Variants in ARIH1 observed in about 807,000 individuals in gnomAD.
The protein encoded by ARIH1 is ariadne RBR E3 ubiquitin protein ligase 1, also known as E3 ubiquitin-protein ligase ARIH1.
In ARIH1, 8 loss-of-function variants were observed where a neutral mutation model predicts 85.0. The ratio of observed to expected loss-of-function variants is 0.09; its 90% CI spans 0.06 to 0.17. ARIH1 has a LOEUF of 0.17. Ranked by LOEUF, ARIH1 falls within the 10% of genes least tolerant of loss-of-function variation. The pLI is 1.00. For missense variants in ARIH1, 311 were observed against 718.1 expected, an observed-to-expected ratio of 0.43 and a Z score of 6.48; for synonymous variants, 238 against 253.6, an observed-to-expected ratio of 0.94 and a Z score of 0.59.
At chr15:72,479,925 T>C (rs1235327986) in intron 1 of ARIH1, among the ~76,000 whole-genome samples, 1 of 151,320 alleles carries the variant, frequency 6.6e-6, no homozygotes, top group East Asian at 2.0e-4. Context: ...TGGAGTGCGG[T>C]GGTGCGATCT....
At chr15:72,573,702 ATTAT>A (rs926352949) in intron 11 of ARIH1, among the ~76,000 whole-genome samples, 1 of 151,662 alleles carries the variant, frequency 6.6e-6, no homozygotes, top group Non-Finnish European at 1.5e-5. Context: ...TTATTATAAT[ATTAT>A]TTAAATATGT....
At position 72,571,841 on chromosome 15, in the gene ARIH1, G is replaced by A. The variant is rs111405022; in HGVS notation, c.1158-267G>A. Among the ~76,000 whole-genome samples the A allele has an allele frequency of 6.2e-4, 95 of 152,222 alleles. 2 individuals are homozygous for A. The highest frequency in any genetic ancestry group is 2.1e-3 in the African/African-American group (87 of 41,534). The stretch of plus-strand genomic sequence containing the variant: ...GATTTGAAATGGACTGCCTCAGGAG[G>A]TGGGGAATTTCCTATCACTGGATAG... On this transcript the variant is annotated intron_variant, in intron 10 of 13. Coordinates refer to ENST00000379887, the MANE Select transcript of ARIH1 (RefSeq NM_005744.5).
intron 2 of ARIH1, among the ~76,000 whole-genome samples, chr15:72,529,077 G>A (rs1283962275): frequency 6.6e-6 from 1 of 151,238 alleles, no homozygotes; most frequent in Non-Finnish European, 1.5e-5. Context: ...ATGGGCTCAC[G>A]TAGTCCCAGC....
intron 1 of ARIH1, among the ~76,000 whole-genome samples, chr15:72,480,932 G>T (rs1754921495): frequency 1.3e-5 from 2 of 152,242 alleles, no homozygotes; most frequent in South Asian, 4.1e-4. Context: ...TTTACATTAA[G>T]TGTTTTATTC....
intron 7 of ARIH1, among the ~76,000 whole-genome samples, chr15:72,563,768 C>A (rs1159250664): frequency 6.6e-6 from 1 of 151,992 alleles, no homozygotes; most frequent in East Asian, 1.9e-4. Context: ...CCTGTATGCT[C>A]CACTGTAACT....
chr15:72,580,284 C>CGT (rs1028870124), intron 11 of ARIH1, among the ~76,000 whole-genome samples: 4 of 152,044 alleles, frequency 2.6e-5, no homozygotes, highest in South Asian at 2.1e-4. Context: ...GCTGAGTACT[C>CGT]GTGTGTGTGT....
chr15:72,556,308 A>T (rs2064174368), intron 5 of ARIH1, among the ~76,000 whole-genome samples: 1 of 152,254 alleles, frequency 6.6e-6, no homozygotes, highest in Non-Finnish European at 1.5e-5. Flanking sequence ...CAAAGAAGGA[A>T]GATTCAATAG....
chr15:72,529,198 CA>C (rs1158206167), intron 2 of ARIH1, among the ~76,000 whole-genome samples: 35 of 140,812 alleles, frequency 2.5e-4, no homozygotes, highest in South Asian at 4.5e-4. Flanking sequence ...GACTCCGTCT[CA>C]AAAAAAAAAA....
intron 2 of ARIH1, among the ~76,000 whole-genome samples, chr15:72,528,566 A>G (rs1403056585): frequency 3.9e-5 from 6 of 152,206 alleles, no homozygotes; most frequent in Non-Finnish European, 7.3e-5. Context: ...TGTTTAAACA[A>G]TCCACGGCCG....
intron 7 of ARIH1, 92 bp from the exon 8 acceptor site, chr15:72,566,471 C>T (rs2064221596): frequency 2.9e-6 from 3 of 1,019,286 alleles, no homozygotes; most frequent in Non-Finnish European, 3.1e-6. Flanking sequence ...AGTGACAATA[C>T]TGTGGAACTA....
chr15:72,486,446 C>T (rs897446063), intron 1 of ARIH1, among the ~76,000 whole-genome samples: 3 of 152,122 alleles, frequency 2.0e-5, no homozygotes, highest in Middle Eastern at 3.4e-3. Flanking sequence ...TGTATAAGTT[C>T]GGTATTACCT....
intron 3 of ARIH1, among the ~76,000 whole-genome samples, chr15:72,553,057 G>A (rs775850773): frequency 1.3e-5 from 2 of 152,122 alleles, no homozygotes; most frequent in Non-Finnish European, 2.9e-5. Context: ...TTACAGGTGT[G>A]AGCCACCGCA....
intron 2 of ARIH1, 65 bp from the exon 3 acceptor site, chr15:72,544,755 T>A: frequency 7.1e-7 from 1 of 1,404,984 alleles, no homozygotes; most frequent in Non-Finnish European, 9.5e-7. Context: ...GAAAGTCAGG[T>A]TTTTGGAGAG....
chr15:72,531,464 C>T (rs761309038), intron 2 of ARIH1, among the ~76,000 whole-genome samples: 8 of 151,984 alleles, frequency 5.3e-5, no homozygotes, highest in Non-Finnish European at 7.4e-5. Flanking sequence ...GATGGGGTTT[C>T]GCCACGTTGG....
intron 1 of ARIH1, among the ~76,000 whole-genome samples, chr15:72,489,753 T>G (rs556062160): frequency 3.3e-5 from 5 of 152,328 alleles, no homozygotes; most frequent in African/African-American, 1.2e-4. Flanking sequence ...CGTATTGCTG[T>G]TACCTCAAAT....
intron 5 of ARIH1, among the ~76,000 whole-genome samples, chr15:72,560,581 T>C (rs1325370247): frequency 6.6e-6 from 1 of 152,226 alleles, no homozygotes; most frequent in Non-Finnish European, 1.5e-5. Flanking sequence ...CATTACAATA[T>C]TCTTGTCTTT....
In ARIH1 at chr15:72,594,496, A is replaced by G. The variant is rs574133482; in HGVS notation, c.*11204A>G. ...TTTCATTTTTAAGTTGTTTGCTGCT[A>G]GTATCTAGAAATACAATTGATTTTT... is the stretch of plus-strand genomic sequence containing the variant. On this transcript the variant is annotated 3_prime_UTR_variant, in exon 14 of 14. Coordinates refer to ENST00000379887, the MANE Select transcript of ARIH1 (RefSeq NM_005744.5). The G allele has an allele frequency of 6.6e-6, 1 of 152,134 alleles. No homozygotes were observed. Among genetic ancestry groups the G allele is most frequent in the South Asian group, 2.1e-4 (1 of 4,832 alleles). 9.4% of individuals were successfully genotyped at this position (152,134 alleles called of 1,614,324 possible). A position where few individuals can be genotyped will look rare whatever the true frequency, so the allele number is the denominator to read the frequency against.
rs1237996578 is a variant in ARIH1 at position 72,598,655 on chromosome 15, A to C, written c.*15363A>C. Reference sequence around the variant, plus strand: ...CTTGAACCTGGGAGGCGGAGGTTGCAGTGAGCCGAGATTGTGCCACTGCAC... The same window carrying C: ...CTTGAACCTGGGAGGCGGAGGTTGCCGTGAGCCGAGATTGTGCCACTGCAC... On this transcript the variant is annotated 3_prime_UTR_variant, in exon 14 of 14. Coordinates refer to ENST00000379887, the MANE Select transcript of ARIH1 (RefSeq NM_005744.5). 1.3e-5 allele frequency: 2 copies of C among 150,770 alleles called. No homozygotes were observed. The highest frequency in any genetic ancestry group is 4.9e-5 in the African/African-American group (2 of 41,136). 9.3% of individuals were successfully genotyped at this position (150,770 alleles called of 1,614,324 possible).
intron 1 of ARIH1, among the ~76,000 whole-genome samples, chr15:72,480,222 C>G (rs894643642): frequency 1.3e-5 from 2 of 151,708 alleles, no homozygotes; most frequent in South Asian, 2.1e-4. Context: ...AGTTATAGCC[C>G]TGGTTTTTAC....
Sources: gnomAD v4.1 joint callset for allele counts (sites outside exome capture counted in the v4.1 genomes callset) on GRCh38, gnomAD v4.1.1 for gene constraint, MANE v1.5 for transcripts, NCBI Gene and HGNC (gene_info 2026-07-23, HGNC 2026-07-21) for gene names.